The following MATN2 variants were observed in gnomAD, a reference collection of about 807,000 sequenced individuals.
MATN2 encodes matrilin-2.
Under a neutral mutation model 103.2 loss-of-function variants are expected in MATN2, and 69 were observed. The ratio of observed to expected loss-of-function variants is 0.67; its 90% CI spans 0.55 to 0.82. The LOEUF (loss-of-function observed/expected upper bound fraction) is 0.82. Ranked by LOEUF, MATN2 falls within the 40% of genes least tolerant of loss-of-function variation. The pLI is 0.00. For synonymous variants in MATN2, 429 were observed against 450.2 expected (o/e 0.95, Z 0.60); for missense variants, 1,023 against 1,211.5 (o/e 0.84, Z 2.31).
At chr8:97,878,931 A>G (rs1818165290) in intron 1 of MATN2, among the ~76,000 whole-genome samples, 1 of 152,242 alleles carries the variant, frequency 6.6e-6, no homozygotes, top group South Asian at 2.1e-4. Context: ...ACGTAGAGGA[A>G]GACATGGACT....
At chr8:97,951,337 T>G (rs780652465) in intron 4 of MATN2, among the ~76,000 whole-genome samples, 3 of 152,116 alleles carry the variant, frequency 2.0e-5, no homozygotes, top group Non-Finnish European at 4.4e-5. Flanking sequence ...ATGCCAATTA[T>G]GAAAAAAATG....
intron 4 of MATN2, chr8:97,950,596 C>T (rs1810915762): frequency 6.6e-6 from 1 of 152,168 alleles, no homozygotes; most frequent in Non-Finnish European, 1.5e-5. Context: ...ACCCCCCACA[C>T]AGAGAGCAGA....
intron 4 of MATN2, among the ~76,000 whole-genome samples, chr8:97,958,623 A>G (rs1811211975): frequency 6.6e-6 from 1 of 152,234 alleles, no homozygotes. Flanking sequence ...AAGCTACTTC[A>G]GCCCGGAACT....
chr8:97,979,664 T>C (rs1811956696), intron 6 of MATN2, among the ~76,000 whole-genome samples: 1 of 152,154 alleles, frequency 6.6e-6, no homozygotes, highest in Non-Finnish European at 1.5e-5. Flanking sequence ...ACTTAAGGGA[T>C]TGTGTATGGA....
At chr8:97,915,866 C>CTG (rs143764402) in intron 2 of MATN2, among the ~76,000 whole-genome samples, 47 of 150,468 alleles carry the variant, frequency 3.1e-4, no homozygotes, top group Admixed American at 1.4e-3. Context: ...GGTTGTGTGT[C>CTG]TGTGTGTGTG....
intron 15 of MATN2, chr8:98,032,040 T>C: frequency 2.4e-6 from 1 of 418,304 alleles, no homozygotes; most frequent in Non-Finnish European, 4.2e-6. Context: ...GGTCCAAGCT[T>C]CTCTTACGAG....
Position 97,884,136 on chromosome 8 carries a change from C to CT in MATN2, c.-26-3926dup, listed in dbSNP as rs1260384394. On this transcript the variant is annotated intron_variant, in intron 1 of 18. Transcript: ENST00000254898. ...TAGCAGTGTATACTTTCTTTTTTTT[C>CT]TTTTTTTTTTTTTCTGAGATGGAGT... 1.3e-3 allele frequency among the ~76,000 whole-genome samples: 185 copies of CT among 139,506 alleles called. 1 individual carries two copies. Among genetic ancestry groups the CT allele is most frequent in the African/African-American group, 1.5e-3 (58 of 38,382 alleles). The allele number at this position is 139,506 out of a possible 152,430, so 91.5% of individuals were successfully genotyped here.
intron 13 of MATN2, 27 bp downstream of exon 13, chr8:98,021,354 CTTTAA>C: frequency 1.2e-6 from 2 of 1,604,646 alleles, no homozygotes; most frequent in Non-Finnish European, 1.7e-6. Flanking sequence ...TGGCTCTCTG[CTTTAA>C]TTTTGTTTTG....
At chr8:97,949,492 A>C (rs962455368) in intron 4 of MATN2, among the ~76,000 whole-genome samples, 7 of 152,116 alleles carry the variant, frequency 4.6e-5, no homozygotes, top group Non-Finnish European at 8.8e-5. Flanking sequence ...TAAATTTTAA[A>C]AGATTGACTA....
chr8:97,964,121 A>T (rs1186735020), intron 5 of MATN2, among the ~76,000 whole-genome samples: 1 of 152,202 alleles, frequency 6.6e-6, no homozygotes, highest in African/African-American at 2.4e-5. Context: ...TTCAAGCATT[A>T]GGGCTAAGTC....
intron 2 of MATN2, among the ~76,000 whole-genome samples, chr8:97,917,679 G>A (rs1321819644): frequency 6.6e-6 from 1 of 152,192 alleles, no homozygotes; most frequent in African/African-American, 2.4e-5. Flanking sequence ...GGAAGACCCT[G>A]GAAATCACCT....
intron 6 of MATN2, among the ~76,000 whole-genome samples, chr8:97,983,803 C>G (rs118029777): frequency 0.021 from 3,262 of 152,226 alleles, 51 homozygotes; most frequent in Non-Finnish European, 0.033. Flanking sequence ...GCACTAGAAA[C>G]AAAACACAGA....
At chr8:97,872,053 G>C (rs1348692079) in intron 1 of MATN2, among the ~76,000 whole-genome samples, 4 of 152,338 alleles carry the variant, frequency 2.6e-5, no homozygotes, top group Non-Finnish European at 4.4e-5. Flanking sequence ...GTTAACAGGT[G>C]TTCAGTGCCT....
chr8:97,902,783 G>A (rs1031809419), intron 2 of MATN2, among the ~76,000 whole-genome samples: 1 of 152,268 alleles, frequency 6.6e-6, no homozygotes, highest in Non-Finnish European at 1.5e-5. Context: ...AGAAGTGCCA[G>A]GGCCAGGGCA....
intron 5 of MATN2, among the ~76,000 whole-genome samples, chr8:97,963,297 T>C (rs1811373398): frequency 6.6e-6 from 1 of 152,144 alleles, no homozygotes. Flanking sequence ...CATTGTGAGT[T>C]AGGCTGGTGG....
chr8:97,947,068 A>G (rs183302936), intron 4 of MATN2, among the ~76,000 whole-genome samples: 32 of 152,330 alleles, frequency 2.1e-4, no homozygotes, highest in Admixed American at 1.1e-3. Context: ...TTCAAAAATC[A>G]ATCAATATAA....
At chr8:98,029,608 G>A (rs140429815) in intron 14 of MATN2, among the ~76,000 whole-genome samples, 12 of 152,132 alleles carry the variant, frequency 7.9e-5, no homozygotes, top group East Asian at 5.8e-4. Context: ...CTGGGCTCCC[G>A]GACAAATATG....
intron 10 of MATN2, among the ~76,000 whole-genome samples, chr8:98,008,389 A>G (rs554885567): frequency 1.3e-5 from 2 of 152,246 alleles, no homozygotes; most frequent in African/African-American, 4.8e-5. Flanking sequence ...GAAAAGGACC[A>G]CCATTTATCT....
At position 97,874,553 on chromosome 8, in the gene MATN2, G is replaced by T. The variant is rs118078130; in HGVS notation, c.-27+5266G>T. 2.9e-3 allele frequency among the ~76,000 whole-genome samples: 433 copies of T among 151,896 alleles called. 6 individuals carry two copies. The East Asian group carries it at 0.038, about 13-fold the overall frequency. On this transcript the variant is annotated intron_variant, in intron 1 of 18. Transcript: ENST00000254898. ...CCAAGTAGCTGGGACTACAAGGATT[G>T]TGCCACCATGTCTGGCTAAATTTTT...
Sources: gnomAD v4.1 joint callset for allele counts (sites outside exome capture counted in the v4.1 genomes callset) on GRCh38, gnomAD v4.1.1 for gene constraint, MANE v1.5 for transcripts, NCBI Gene and HGNC (gene_info 2026-07-23, HGNC 2026-07-21) for gene names.